Variants in OVGP1 observed in about 807,000 individuals in gnomAD.
The protein encoded by OVGP1 is oviductal glycoprotein 1, also known as oviduct-specific glycoprotein.
OVGP1 carries 26 observed loss-of-function variants against 48.2 expected under a neutral mutation model. That is an observed-to-expected ratio of 0.54 (90% CI 0.40 to 0.75). OVGP1 has a LOEUF of 0.75. OVGP1 is among the 30% of genes least tolerant of loss of function. The pLI is 0.00. For missense variants in OVGP1, 791 were observed against 820.6 expected, an observed-to-expected ratio of 0.96 and a Z score of 0.44; for synonymous variants, 294 against 305.7, an observed-to-expected ratio of 0.96 and a Z score of 0.40.
chr1:111,426,622 C>T lies in OVGP1; in HGVS notation c.75G>A (p.Val25=). 1 of 1,613,990 alleles carries T rather than the reference C, an allele frequency of 6.2e-7. No homozygotes were observed. The highest frequency in any genetic ancestry group is 8.5e-7 in the Non-Finnish European group (1 of 1,179,950). The change falls in exon 3 of 11, where the codon GTG becomes GTA. Residue 25 remains valine (V), a synonymous_variant. Coordinates refer to ENST00000369732, the MANE Select transcript of OVGP1 (RefSeq NM_002557.4). The part of the protein sequence containing the change: ...KHHDGAAHKL[V]CYFTNWAHSR... ...TGTGTGCCCAGTTGGTGAAATAACA[C>T]ACGAGTTTATGGGCAGCACCTGGTA...
At position 111,415,070 on chromosome 1, in the gene OVGP1, C is replaced by T. The variant is rs781211867; in HGVS notation, c.1431G>A (p.Met477Ile). 10 of 1,614,030 alleles carry T rather than the reference C, an allele frequency of 6.2e-6. No individual in the cohort carries two copies. In the African/African-American group the frequency reaches 1.1e-4, roughly 17 times the overall value. The change falls in exon 11 of 11, where the codon ATG becomes ATA. Residue 477 changes from methionine to isoleucine, a missense_variant. Transcript: ENST00000369732. ...ACTGATGACCCACAGAAGTCATGGT[C>T]ATTGCCCCAGTGATCTCAGTCTTCT... ...LGEKTEITGA[M>I]TMTSVGHQSM...
intron 6 of OVGP1, 43 bp downstream of exon 6, chr1:111,422,884 C>A (rs752314680): frequency 1.2e-5 from 20 of 1,610,842 alleles, no homozygotes; most frequent in Non-Finnish European, 1.2e-5. Context: ...AAGACACCTG[C>A]TTCCCACCAA....
At chr1:111,427,161 C>T (rs1652420267) in intron 1 of OVGP1, 70 bp from the exon 2 acceptor site, 1 of 1,609,492 alleles carries the variant, frequency 6.2e-7, no homozygotes, top group Non-Finnish European at 8.5e-7. Flanking sequence ...CACAGCACAC[C>T]CTCTGATTAG....
intron 9 of OVGP1, 36 bp from the exon 10 acceptor site, chr1:111,416,494 GT>G (rs774550003): frequency 6.3e-7 from 1 of 1,578,398 alleles, no homozygotes; most frequent in African/African-American, 1.3e-5. Context: ...TGCTGTACTT[GT>G]CAGTCTCTAG....
At chr1:111,421,190 C>T (rs1652258711) in intron 8 of OVGP1, 86 bp downstream of exon 8, 10 of 1,270,086 alleles carry the variant, frequency 7.9e-6, no homozygotes, top group South Asian at 7.6e-5. Context: ...AGCTCTCACC[C>T]TTGCCATTGC....
chr1:111,415,525 T>C (rs1652113189), intron 10 of OVGP1, among the ~76,000 whole-genome samples, 181 bp from the exon 11 acceptor site: 1 of 152,110 alleles, frequency 6.6e-6, no homozygotes, highest in Non-Finnish European at 1.5e-5. Context: ...GAAGCCTTGC[T>C]CCAGACCCCG....
At chr1:111,420,090 T>A (rs1166961630) in intron 8 of OVGP1, among the ~76,000 whole-genome samples, 36 of 152,190 alleles carry the variant, frequency 2.4e-4, no homozygotes, top group Admixed American at 2.4e-3. Flanking sequence ...AACAAGTCTC[T>A]CCTGTTCATT....
chr1:111,425,539 C>G, intron 3 of OVGP1, 100 bp from the exon 4 acceptor site: 1 of 1,570,092 alleles, frequency 6.4e-7, no homozygotes, highest in Non-Finnish European at 8.6e-7. Context: ...AAACAGGAAA[C>G]AGGAGAGATG....
intron 5 of OVGP1, 66 bp downstream of exon 5, chr1:111,423,477 G>T: frequency 6.6e-7 from 1 of 1,526,472 alleles, no homozygotes; most frequent in Admixed American, 1.8e-5. Flanking sequence ...CTCTTCTCCT[G>T]CCATAAGCCT....
chr1:111,422,916 T>C lies in OVGP1; in HGVS notation c.608+11A>G. On this transcript the variant is annotated intron_variant, in intron 6 of 10. Coordinates refer to ENST00000369732, the MANE Select transcript of OVGP1 (RefSeq NM_002557.4). ...CCAATGTCCTGCCCCACCAAAGCAA[T>C]ATCCACTCACCTTCCTAGAAAGCGC... is the stretch of plus-strand genomic sequence containing the variant. 1 of 1,613,840 alleles carries C rather than the reference T, an allele frequency of 6.2e-7. No individual in the cohort carries two copies.
Position 111,414,389 on chromosome 1 carries a change from G to T in OVGP1, c.*75C>A. On this transcript the variant is annotated 3_prime_UTR_variant, in exon 11 of 11. Transcript: ENST00000369732. ...CTGGTTTTGATGCCTGCTTTGCCCC[G>T]GGATGAGAAGGCTTCCAACATGTCA... 2.2e-6 allele frequency: 3 copies of T among 1,354,296 alleles called. No individual in the cohort carries two copies. Among genetic ancestry groups the T allele is most frequent in the Non-Finnish European group, 3.0e-6 (3 of 993,988 alleles). 83.9% of individuals were successfully genotyped at this position (1,354,296 alleles called of 1,614,324 possible). A position where few individuals can be genotyped will look rare whatever the true frequency, so the allele number is the denominator to read the frequency against.
At chr1:111,415,893 GATGCTTCACCTCTTGC>G (rs1390197032) in intron 10 of OVGP1, among the ~76,000 whole-genome samples, 1 of 152,150 alleles carries the variant, frequency 6.6e-6, no homozygotes, top group Non-Finnish European at 1.5e-5. Flanking sequence ...CATCCGTAAG[GATGCTTCACCTCTTGC>G]ATGCTAGCTT....
At chr1:111,425,950 G>A (rs912592967) in intron 3 of OVGP1, among the ~76,000 whole-genome samples, 7 of 152,064 alleles carry the variant, frequency 4.6e-5, no homozygotes, top group African/African-American at 1.4e-4. Flanking sequence ...CAGGAGTTCC[G>A]GAGAGAGGAA....
chr1:111,425,546 G>T, intron 3 of OVGP1, 107 bp from the exon 4 acceptor site: 2 of 1,559,634 alleles, frequency 1.3e-6, no homozygotes, highest in Non-Finnish European at 8.7e-7. Context: ...AAACAGGAGA[G>T]ATGGGAGGTA....
intron 4 of OVGP1, among the ~76,000 whole-genome samples, chr1:111,424,234 G>T (rs1308667320): frequency 1.3e-5 from 2 of 152,224 alleles, no homozygotes; most frequent in Non-Finnish European, 2.9e-5. Context: ...GGCACAAGAG[G>T]CCTGTGTTCT....
intron 2 of OVGP1, 153 bp from the exon 3 acceptor site, chr1:111,426,794 G>A: frequency 6.5e-7 from 1 of 1,547,604 alleles, no homozygotes; most frequent in Non-Finnish European, 8.7e-7. Context: ...ACTACACTGA[G>A]GTTCTATTCC....
intron 2 of OVGP1, 192 bp downstream of exon 2, chr1:111,426,870 C>G (rs757618334): frequency 6.5e-7 from 1 of 1,548,228 alleles, no homozygotes; most frequent in East Asian, 2.4e-5. Context: ...AACAGATTCT[C>G]AAGTCTGGAC....
chr1:111,427,697 C>T lies in OVGP1; in HGVS notation c.25G>A (p.Gly9Arg), dbSNP rs1260391313. 6.2e-7 allele frequency: 1 copy of T among 1,612,980 alleles called. No homozygotes were observed. The highest frequency in any genetic ancestry group is 8.5e-7 in the Non-Finnish European group (1 of 1,179,862). Residue 9 changes from glycine (G) to arginine (R), a missense_variant and splice_region_variant, in exon 1 of 11, where the codon GGG (glycine) becomes AGG (arginine). Transcript: ENST00000369732. MWKLLLWV[G>R]LVLVLKHHDG... Reference sequence around the variant, plus strand: ...CACTGCTGGGACCTGCCACACTCACCAACCCACAGCAACAGCTTCCACATC... The same window carrying T: ...CACTGCTGGGACCTGCCACACTCACTAACCCACAGCAACAGCTTCCACATC...
Position 111,414,566 on chromosome 1 carries a change from G to A in OVGP1, c.1935C>T (p.Ile645=), listed in dbSNP as rs188280606. 35 of 1,614,008 alleles carry A rather than the reference G, an allele frequency of 2.2e-5. No homozygotes were observed. Among genetic ancestry groups the A allele is most frequent in the Admixed American group, 1.5e-4 (9 of 60,036 alleles). ...PLAFDNRFVP[I]YGNHSSVNSV... ...AGTTGACAGAGGAATGGTTTCCATA[G>A]ATGGGAACAAAGCGGTTGTCAAAAG... is the stretch of plus-strand genomic sequence containing the variant. Residue 645 remains isoleucine, a synonymous_variant, in exon 11 of 11, where the codon ATC becomes ATT. Coordinates refer to ENST00000369732, the MANE Select transcript of OVGP1 (RefSeq NM_002557.4).
Sources: allele counts gnomAD v4.1 joint callset (sites outside exome capture counted in the v4.1 genomes callset), GRCh38; gene constraint gnomAD v4.1.1; transcripts MANE v1.5; gene names NCBI Gene and HGNC (gene_info 2026-07-23, HGNC 2026-07-21).